CTNND2: variants seen among roughly 807,000 people sequenced by gnomAD.
CTNND2 encodes catenin delta 2.
CTNND2 carries 22 observed loss-of-function variants against 144.4 expected under a neutral mutation model. The ratio of observed to expected loss-of-function variants is 0.15; its 90% CI spans 0.11 to 0.22. The LOEUF (loss-of-function observed/expected upper bound fraction) is 0.22, where lower values mean the gene tolerates loss of function less well. Among genes scored for constraint, CTNND2 ranks in the 10% least tolerant of loss-of-function variants. CTNND2 has a pLI of 1.00. For synonymous variants in CTNND2, 751 were observed against 695.6 expected (o/e 1.08, Z -1.25); for missense variants, 1,353 against 1,618.8 (o/e 0.84, Z 2.82).
rs113383581 is a variant in CTNND2, at chr5:10,993,012, G to C, written c.3085-335C>G. ...GGGACCCGGAAACTGTCTATTTTTTGCCGACCTGGTTCCAGCTCTGCCTGG... is the reference window on the plus strand; with the variant it reads ...GGGACCCGGAAACTGTCTATTTTTTCCCGACCTGGTTCCAGCTCTGCCTGG... On this transcript the variant is annotated intron_variant, in intron 18 of 21. Coordinates refer to ENST00000304623, the MANE Select transcript of CTNND2 (RefSeq NM_001332.4). Among the ~76,000 whole-genome samples the C allele has an allele frequency of 2.5e-4, 38 of 152,118 alleles. 1 individual carries two copies. The highest frequency in any genetic ancestry group is 7.5e-4 in the African/African-American group (31 of 41,504).
intron 2 of CTNND2, among the ~76,000 whole-genome samples, chr5:11,600,721 A>G (rs1457821188): frequency 6.6e-6 from 1 of 151,402 alleles, no homozygotes; most frequent in East Asian, 1.9e-4. Flanking sequence ...AAAAAAAAAA[A>G]AAAAAATGAA....
At chr5:11,637,038 G>A (rs191713814) in intron 2 of CTNND2, among the ~76,000 whole-genome samples, 3 of 152,096 alleles carry the variant, frequency 2.0e-5, no homozygotes, top group Non-Finnish European at 4.4e-5. Flanking sequence ...CAAGTAGATG[G>A]CAATTTCAGA....
chr5:11,364,681 G>T lies in CTNND2; in HGVS notation c.1372+15C>A, dbSNP rs776093549. 9 of 1,597,480 alleles carry T rather than the reference G, an allele frequency of 5.6e-6. No homozygotes were observed. The South Asian group carries it at 7.9e-5, about 14-fold the overall frequency. The stretch of plus-strand genomic sequence containing the variant: ...CCCTGTGGACAGGCCACCCAGTGGG[G>T]TCCTGATTACACACCTGTGCTCGTG... On this transcript the variant is annotated intron_variant, in intron 8 of 21. Transcript: ENST00000304623.
At chr5:11,664,629 T>C (rs115936813) in intron 2 of CTNND2, among the ~76,000 whole-genome samples, 3,361 of 152,310 alleles carry the variant, frequency 0.022, 46 homozygotes, top group East Asian at 0.057. Flanking sequence ...CATAAACTCA[T>C]GAAAGTACCA....
chr5:11,689,302 GAATA>G (rs1416910966), intron 2 of CTNND2, among the ~76,000 whole-genome samples: 12 of 152,256 alleles, frequency 7.9e-5, no homozygotes, highest in African/African-American at 2.9e-4. Context: ...ATTTGTTACA[GAATA>G]AATAATGTGG....
At chr5:11,001,457 G>T (rs1739953691) in intron 18 of CTNND2, among the ~76,000 whole-genome samples, 1 of 152,090 alleles carries the variant, frequency 6.6e-6, no homozygotes, top group Non-Finnish European at 1.5e-5. Context: ...TGAAGCCGTG[G>T]TATCTAGCAT....
At chr5:11,559,872 T>G (rs541872707) in intron 3 of CTNND2, among the ~76,000 whole-genome samples, 2 of 152,244 alleles carry the variant, frequency 1.3e-5, no homozygotes, top group Admixed American at 1.3e-4. Context: ...GCTAGAGAAG[T>G]TACCTCAGCA....
At chr5:11,556,628 A>C (rs1776258078) in intron 3 of CTNND2, among the ~76,000 whole-genome samples, 1 of 152,168 alleles carries the variant, frequency 6.6e-6, no homozygotes, top group African/African-American at 2.4e-5. Flanking sequence ...CTCTAGTTAT[A>C]GAACTGTTGG....
chr5:11,053,740 C>T (rs747696129), intron 16 of CTNND2, among the ~76,000 whole-genome samples: 64 of 152,182 alleles, frequency 4.2e-4, no homozygotes, highest in Admixed American at 1.1e-3. Flanking sequence ...AATAATAAAA[C>T]TGGCTCTCTC....
intron 11 of CTNND2, among the ~76,000 whole-genome samples, chr5:11,174,514 A>AT (rs528696285): frequency 1.8e-4 from 27 of 150,384 alleles, no homozygotes; most frequent in Admixed American, 4.0e-4. Context: ...TTGCTGACTT[A>AT]TTTTTTTTTT....
intron 10 of CTNND2, among the ~76,000 whole-genome samples, chr5:11,228,463 T>C (rs1740617143): frequency 1.3e-5 from 2 of 151,348 alleles, no homozygotes; most frequent in Admixed American, 1.3e-4. Flanking sequence ...TCCTGTTTAC[T>C]TATTTTCTGT....
intron 1 of CTNND2, among the ~76,000 whole-genome samples, chr5:11,828,167 C>T (rs957958746): frequency 6.6e-6 from 1 of 152,126 alleles, no homozygotes; most frequent in Non-Finnish European, 1.5e-5. Flanking sequence ...TTAAACCATG[C>T]GGGCAGATCT....
chr5:11,135,127 G>T (rs964657808), intron 12 of CTNND2, among the ~76,000 whole-genome samples: 2 of 152,138 alleles, frequency 1.3e-5, no homozygotes, highest in Non-Finnish European at 2.9e-5. Flanking sequence ...GGCCACCCTG[G>T]GAATAACTAG....
At chr5:10,995,378 GAGA>G (rs528083551) in intron 18 of CTNND2, among the ~76,000 whole-genome samples, 174 of 152,268 alleles carry the variant, frequency 1.1e-3, no homozygotes, top group African/African-American at 3.9e-3. Flanking sequence ...GCGTGAGGAG[GAGA>G]AGGAGACCAA....
chr5:11,454,668 C>T (rs921631970), intron 3 of CTNND2, among the ~76,000 whole-genome samples: 11 of 151,634 alleles, frequency 7.3e-5, no homozygotes, highest in African/African-American at 2.4e-4. Flanking sequence ...ACGATCTCAG[C>T]TCACTGCAAT....
chr5:11,509,354 C>T (rs531841517), intron 3 of CTNND2, among the ~76,000 whole-genome samples: 239 of 149,858 alleles, frequency 1.6e-3, no homozygotes, highest in Non-Finnish European at 2.9e-3. Flanking sequence ...TGTTGTGGAA[C>T]TATAAAAAAA....
rs1363396437 is a variant in CTNND2, at chr5:11,616,294, A to T, written c.175-51238T>A. Among the ~76,000 whole-genome samples, 5 of 152,128 alleles carry T rather than the reference A, an allele frequency of 3.3e-5. No homozygotes were observed. In the East Asian group the frequency reaches 9.6e-4, roughly 29 times the overall value. On this transcript the variant is annotated intron_variant, in intron 2 of 21. Transcript: ENST00000304623. ...CTACTATGACTTTGTCAAGCACCTAAAAATATTTCCTTTTATTTTTCTCAT... is the reference window on the plus strand; with the variant it reads ...CTACTATGACTTTGTCAAGCACCTATAAATATTTCCTTTTATTTTTCTCAT...
intron 9 of CTNND2, among the ~76,000 whole-genome samples, chr5:11,270,893 T>C (rs1361767162): frequency 6.6e-6 from 1 of 152,226 alleles, no homozygotes; most frequent in Non-Finnish European, 1.5e-5. Flanking sequence ...AAAGTATTTA[T>C]TGAAATTAGA....
chr5:11,732,385 G>A lies in CTNND2; in HGVS notation c.38-113C>T, dbSNP rs1275536690. 3 of 962,412 alleles carry A rather than the reference G, an allele frequency of 3.1e-6. No individual in the cohort carries two copies. In the African/African-American group the frequency reaches 4.9e-5, roughly 16 times the overall value. 59.6% of individuals were successfully genotyped at this position (962,412 alleles called of 1,614,324 possible). A position where few individuals can be genotyped will look rare whatever the true frequency, so the allele number is the denominator to read the frequency against. On this transcript the variant is annotated intron_variant, in intron 1 of 21. Coordinates refer to ENST00000304623, the MANE Select transcript of CTNND2 (RefSeq NM_001332.4). ...AAAAAAAGTAAAACTATAAGCTGCT[G>A]AGAAAGACCAAGACATAATTATAGA...
Sources: allele counts gnomAD v4.1 joint callset (sites outside exome capture counted in the v4.1 genomes callset), GRCh38; gene constraint gnomAD v4.1.1; transcripts MANE v1.5; gene names NCBI Gene and HGNC (gene_info 2026-07-23, HGNC 2026-07-21).